The following NOX4 variants were observed in gnomAD, a reference collection of about 807,000 sequenced individuals.
NOX4 encodes the protein kidney oxidase-1.
A neutral mutation model predicts 87.6 loss-of-function variants in NOX4; 69 were observed. The ratio of observed to expected loss-of-function variants is 0.79; its 90% CI spans 0.65 to 0.96. The LOEUF (loss-of-function observed/expected upper bound fraction) is 0.96, where lower values mean the gene tolerates loss of function less well. Ranked by LOEUF, NOX4 falls within the 40% of genes least tolerant of loss-of-function variation. The pLI is 0.00. For missense variants in NOX4, 680 were observed against 681.5 expected, an observed-to-expected ratio of 1.00 and a Z score of 0.02; for synonymous variants, 275 against 238.2, an observed-to-expected ratio of 1.15 and a Z score of -1.42.
chr11:89,425,622 T>C (rs891529029), intron 7 of NOX4, among the ~76,000 whole-genome samples: 1 of 151,842 alleles, frequency 6.6e-6, no homozygotes, highest in Non-Finnish European at 1.5e-5. Context: ...TTTGGTAAAA[T>C]ACATATGTAT....
chr11:89,431,968 T>G (rs1432681861), intron 7 of NOX4, among the ~76,000 whole-genome samples: 1 of 152,132 alleles, frequency 6.6e-6, no homozygotes, highest in Non-Finnish European at 1.5e-5. Context: ...CCATCAATGA[T>G]AGACTGGATT....
intron 11 of NOX4, among the ~76,000 whole-genome samples, chr11:89,398,380 G>T (rs4290230): frequency 0.092 from 14,036 of 151,860 alleles, 785 homozygotes; most frequent in South Asian, 0.19. Flanking sequence ...GGCAAAAACT[G>T]GAAGCATTCC....
chr11:89,435,247 T>C (rs867546596), intron 6 of NOX4, among the ~76,000 whole-genome samples: 2 of 152,218 alleles, frequency 1.3e-5, no homozygotes, highest in Non-Finnish European at 2.9e-5. Context: ...CCCAGATGGC[T>C]ACATAGTGTG....
At chr11:89,475,073 T>C (rs944161605) in intron 2 of NOX4, among the ~76,000 whole-genome samples, 1 of 151,880 alleles carries the variant, frequency 6.6e-6, no homozygotes, top group Admixed American at 6.6e-5. Flanking sequence ...AAACAACATA[T>C]GCTTAAGGAG....
At chr11:89,514,733 TG>T in the NOX4 span, among the ~76,000 whole-genome samples, 1 of 152,016 alleles carries the variant, frequency 6.6e-6, no homozygotes, top group Non-Finnish European at 1.5e-5. Flanking sequence ...ATGATGATCA[TG>T]TTTTTTGTTC....
intron 8 of NOX4, among the ~76,000 whole-genome samples, chr11:89,403,648 A>G (rs1942001810): frequency 6.6e-6 from 1 of 152,166 alleles, no homozygotes; most frequent in South Asian, 2.1e-4. Context: ...AGGCTGAGGC[A>G]GGAGAATTGC....
At chr11:89,418,625 C>T (rs1159025165) in intron 8 of NOX4, among the ~76,000 whole-genome samples, 5 of 151,666 alleles carry the variant, frequency 3.3e-5, no homozygotes, top group Middle Eastern at 3.4e-3. Flanking sequence ...GAAAAGTGGG[C>T]GACTTAACTT....
intron 2 of NOX4, among the ~76,000 whole-genome samples, chr11:89,482,513 T>A (rs141598080): frequency 1.3e-5 from 2 of 151,888 alleles, no homozygotes; most frequent in African/African-American, 4.8e-5. Flanking sequence ...TACAAAGACA[T>A]TGGAAGAAGA....
At chr11:89,505,471 A>G in the NOX4 span, among the ~76,000 whole-genome samples, 1 of 151,916 alleles carries the variant, frequency 6.6e-6, no homozygotes, top group Non-Finnish European at 1.5e-5. Flanking sequence ...GGACCAGGAA[A>G]GGCCTTTCTA....
the NOX4 span, among the ~76,000 whole-genome samples, chr11:89,524,421 T>A: frequency 6.6e-6 from 1 of 152,168 alleles, no homozygotes; most frequent in Non-Finnish European, 1.5e-5. Flanking sequence ...ATCATTAATT[T>A]CAATATGACA....
intron 12 of NOX4, among the ~76,000 whole-genome samples, chr11:89,355,623 G>A: frequency 6.6e-6 from 1 of 151,990 alleles, no homozygotes; most frequent in East Asian, 1.9e-4. Context: ...ACATCATGTA[G>A]CATTCAATTG....
At chr11:89,408,111 A>C (rs1942285857) in intron 8 of NOX4, among the ~76,000 whole-genome samples, 1 of 152,168 alleles carries the variant, frequency 6.6e-6, no homozygotes, top group Non-Finnish European at 1.5e-5. Context: ...AATTTATTGC[A>C]GTTCTCTAAC....
At chr11:89,456,318 T>C (rs1468142734) in intron 2 of NOX4, among the ~76,000 whole-genome samples, 1 of 152,196 alleles carries the variant, frequency 6.6e-6, no homozygotes, top group Admixed American at 6.5e-5. Context: ...TTAGAATACA[T>C]ATATTTTGAC....
At chr11:89,429,744 G>A (rs1456044116) in intron 7 of NOX4, among the ~76,000 whole-genome samples, 1 of 149,610 alleles carries the variant, frequency 6.7e-6, no homozygotes, top group Non-Finnish European at 1.5e-5. Context: ...AAAAGGACCA[G>A]ATGGATTCAC....
chr11:89,553,377 G>A, the NOX4 span, among the ~76,000 whole-genome samples: 1 of 152,080 alleles, frequency 6.6e-6, no homozygotes, highest in Non-Finnish European at 1.5e-5. Flanking sequence ...CTCTCCTGCT[G>A]TCTTGCTTCC....
chr11:89,471,869 G>A (rs1025732544), intron 2 of NOX4, among the ~76,000 whole-genome samples: 1 of 152,180 alleles, frequency 6.6e-6, no homozygotes, highest in South Asian at 2.1e-4. Context: ...AGCCTACTGA[G>A]TAACTTGGAT....
At chr11:89,552,803 A>G in the NOX4 span, among the ~76,000 whole-genome samples, 7 of 149,590 alleles carry the variant, frequency 4.7e-5, no homozygotes, top group African/African-American at 1.5e-4. Context: ...AAGTAGTGAG[A>G]CTGTAGGACA....
At chr11:89,435,998 T>C (rs1944063279) in intron 6 of NOX4, among the ~76,000 whole-genome samples, 1 of 152,148 alleles carries the variant, frequency 6.6e-6, no homozygotes, top group South Asian at 2.1e-4. Context: ...CATACTATAA[T>C]CAGAGTGATC....
the NOX4 span, among the ~76,000 whole-genome samples, chr11:89,514,190 T>C: frequency 2.0e-5 from 3 of 152,060 alleles, no homozygotes; most frequent in Non-Finnish European, 4.4e-5. Context: ...AAGATTCTTA[T>C]GTAGTTTTAG....
Sources: gnomAD v4.1 joint callset for allele counts (sites outside exome capture counted in the v4.1 genomes callset) on GRCh38, gnomAD v4.1.1 for gene constraint, MANE v1.5 for transcripts, NCBI Gene and HGNC (gene_info 2026-07-23, HGNC 2026-07-21) for gene names.